PCDHGC4: variants seen among roughly 807,000 people sequenced by gnomAD.
PCDHGC4 encodes protocadherin gamma-C4.
Under a neutral mutation model 59.7 loss-of-function variants are expected in PCDHGC4, and 15 were observed. The observed-to-expected ratio is 0.25, with a 90% CI of 0.17 to 0.39. PCDHGC4 has a LOEUF of 0.39. Among genes scored for constraint, PCDHGC4 ranks in the 10% least tolerant of loss-of-function variants. The probability of loss-of-function intolerance (pLI) is 1.00; values close to 1 mark genes in which losing one functional copy is unlikely to be tolerated. For missense variants in PCDHGC4, 1,016 were observed against 1,189.5 expected (o/e 0.85, Z 2.15); for synonymous variants, 434 against 481.4 (o/e 0.90, Z 1.29).
At position 141,490,440 on chromosome 5, in the gene PCDHGC4, T is replaced by C. The variant is rs560525159; in HGVS notation, c.2442+2825T>C. On this transcript the variant is annotated intron_variant, in intron 1 of 3. Transcript: ENST00000306593. This position sits in a 1 kb window ranked among gnomAD's most constrained non-coding sequence, Gnocchi z 5.4. ...ACCTGCCATTTCAGATTAAGCCTTC[T>C]GAGAACCACTACTCGCTGCTAACCA... 7 of 1,614,206 alleles carry C rather than the reference T, an allele frequency of 4.3e-6. No homozygotes were observed. Among genetic ancestry groups the C allele is most frequent in the Non-Finnish European group, 5.9e-6 (7 of 1,180,040 alleles).
chr5:141,491,507 C>A lies in PCDHGC4; in HGVS notation c.2443-3300C>A, dbSNP rs755899622. 1.9e-6 allele frequency: 3 copies of A among 1,614,038 alleles called. No individual in the cohort carries two copies. The highest frequency in any genetic ancestry group is 1.6e-4 in the Middle Eastern group (1 of 6,062). Reference sequence around the variant, plus strand: ...AACCTGCAGGTGAGCTCGGACGGCACGCTCAAGTACATGGAGGTGACGCTG... The same window carrying A: ...AACCTGCAGGTGAGCTCGGACGGCAAGCTCAAGTACATGGAGGTGACGCTG... On this transcript the variant is annotated intron_variant, in intron 1 of 3. Transcript: ENST00000306593. The surrounding 1 kb of genome is among the most constrained non-coding windows in gnomAD (Gnocchi z 6.9).
Position 141,489,119 on chromosome 5 carries a change from C to T in PCDHGC4, c.2442+1504C>T, listed in dbSNP as rs1236074950. The T allele has an allele frequency of 2.0e-5, 13 of 650,240 alleles. No individual in the cohort carries two copies. Among genetic ancestry groups the T allele is most frequent in the African/African-American group, 9.1e-5 (5 of 55,178 alleles). 40.3% of individuals were successfully genotyped at this position (650,240 alleles called of 1,614,324 possible). ...GAACTGCTGCAAGCAGGCAAACCTC[C>T]GAGCAGTTTTTAAGAGGCTGGAAGG... On this transcript the variant is annotated intron_variant, in intron 1 of 3. Coordinates refer to ENST00000306593, the MANE Select transcript of PCDHGC4 (RefSeq NM_018928.3). This position sits in a 1 kb window ranked among gnomAD's most constrained non-coding sequence, Gnocchi z 4.5.
chr5:141,503,077 TCTC>T (rs1212079220), intron 2 of PCDHGC4, among the ~76,000 whole-genome samples: 1 of 151,810 alleles, frequency 6.6e-6, no homozygotes, highest in African/African-American at 2.4e-5. Flanking sequence ...ATGGTCTCGA[TCTC>T]CTGACCTCGT....
At position 141,491,070 on chromosome 5, in the gene PCDHGC4, G is replaced by T. The variant is rs1405880268; in HGVS notation, c.2442+3455G>T. On this transcript the variant is annotated intron_variant, in intron 1 of 3. Transcript: ENST00000306593. The surrounding 1 kb of genome is among the most constrained non-coding windows in gnomAD (Gnocchi z 6.9). ...ATGCGTGGCTCTCCTACTCACTGTTGCCACAGTCCACAGCCCCAGGACTGT... is the reference window on the plus strand; with the variant it reads ...ATGCGTGGCTCTCCTACTCACTGTTTCCACAGTCCACAGCCCCAGGACTGT... 6.2e-7 allele frequency: 1 copy of T among 1,614,162 alleles called. No homozygotes were observed. Among genetic ancestry groups the T allele is most frequent in the Non-Finnish European group, 8.5e-7 (1 of 1,180,038 alleles).
intron 1 of PCDHGC4, 41 bp from the exon 2 acceptor site, chr5:141,494,766 C>T (rs1017994327): frequency 6.2e-7 from 1 of 1,614,038 alleles, no homozygotes; most frequent in Non-Finnish European, 8.5e-7. Flanking sequence ...ATTCTAACTT[C>T]TCACGGGTAC....
Position 141,485,267 on chromosome 5 carries a change from C to T in PCDHGC4, c.94C>T (p.Arg32Cys), listed in dbSNP as rs767229426. Residue 32 changes from arginine (R) to cysteine (C), a missense_variant, in exon 1 of 4, where the codon CGC (arginine) becomes TGC (cysteine). By Grantham distance (180) the Arg-to-Cys change is radical. Transcript: ENST00000306593. This position sits in a 1 kb window ranked among gnomAD's most constrained non-coding sequence, Gnocchi z 5.7. Reference protein sequence around the residue: ...YHLGYVCGQIRYPVPEESQEG... With the variant: ...YHLGYVCGQICYPVPEESQEG... ...CCTGGGTTACGTTTGTGGGCAGATC[C>T]GCTACCCGGTCCCAGAGGAGTCACA... is the stretch of plus-strand genomic sequence containing the variant. 6.2e-7 allele frequency: 1 copy of T among 1,614,088 alleles called. No homozygotes were observed. Among genetic ancestry groups the T allele is most frequent in the South Asian group, 1.1e-5 (1 of 91,082 alleles).
Position 141,491,324 on chromosome 5 carries a change from T to C in PCDHGC4, c.2443-3483T>C, listed in dbSNP as rs762200164. 16 of 1,614,060 alleles carry C rather than the reference T, an allele frequency of 9.9e-6. No homozygotes were observed. The highest frequency in any genetic ancestry group is 8.3e-5 in the Admixed American group (5 of 60,010). On this transcript the variant is annotated intron_variant, in intron 1 of 3. Transcript: ENST00000306593. This position sits in a 1 kb window ranked among gnomAD's most constrained non-coding sequence, Gnocchi z 6.9. ...CGTTCAGACCTTACCCTTTACCTCA[T>C]TGTGGCTCTAGCGACCGTCAGTCTC...
intron 2 of PCDHGC4, among the ~76,000 whole-genome samples, chr5:141,500,324 T>G (rs1165047676): frequency 6.6e-6 from 1 of 151,994 alleles, no homozygotes; most frequent in African/African-American, 2.4e-5. Flanking sequence ...TGCTCCTGCC[T>G]CAGCCTCCAG....
At position 141,489,099 on chromosome 5, in the gene PCDHGC4, G is replaced by C; in HGVS notation, c.2442+1484G>C. 5.5e-6 allele frequency: 2 copies of C among 361,982 alleles called. No homozygotes were observed. The highest frequency in any genetic ancestry group is 5.0e-5 in the South Asian group (1 of 19,862). 22.4% of individuals were successfully genotyped at this position (361,982 alleles called of 1,614,324 possible). On this transcript the variant is annotated intron_variant, in intron 1 of 3. Coordinates refer to ENST00000306593, the MANE Select transcript of PCDHGC4 (RefSeq NM_018928.3). The surrounding 1 kb of genome is among the most constrained non-coding windows in gnomAD (Gnocchi z 4.5). Reference sequence around the variant, plus strand: ...CCCCGCCACTCGGTGACTAAGAACTGCTGCAAGCAGGCAAACCTCCGAGCA... The same window carrying C: ...CCCCGCCACTCGGTGACTAAGAACTCCTGCAAGCAGGCAAACCTCCGAGCA...
In PCDHGC4 at chr5:141,512,249, T is replaced by A. The variant is rs1159090773; in HGVS notation, c.*1076T>A. 6.6e-6 allele frequency: 1 copy of A among 152,598 alleles called. No individual in the cohort carries two copies. The allele number at this position is 152,598 out of a possible 1,614,324, so 9.5% of individuals were successfully genotyped here. On this transcript the variant is annotated 3_prime_UTR_variant, in exon 4 of 4. Coordinates refer to ENST00000306593, the MANE Select transcript of PCDHGC4 (RefSeq NM_018928.3). Reference sequence around the variant, plus strand: ...CCTTGAGAGGTCAGAGGGGCCTCTGTGGGTGCTGGGTACTCCAGAGGTGCC... The same window carrying A: ...CCTTGAGAGGTCAGAGGGGCCTCTGAGGGTGCTGGGTACTCCAGAGGTGCC...
At position 141,490,054 on chromosome 5, in the gene PCDHGC4, G is replaced by A. The variant is rs2099695440; in HGVS notation, c.2442+2439G>A. The A allele has an allele frequency of 6.2e-7, 1 of 1,614,104 alleles. No individual in the cohort carries two copies. The highest frequency in any genetic ancestry group is 1.3e-5 in the African/African-American group (1 of 74,944). ...CCTCAATGCCACTGATCCAGACGAG[G>A]GCACCAACGGCCAACTAGACTATTC... On this transcript the variant is annotated intron_variant, in intron 1 of 3. Transcript: ENST00000306593. This position sits in a 1 kb window ranked among gnomAD's most constrained non-coding sequence, Gnocchi z 5.4.
chr5:141,487,656 C>G lies in PCDHGC4; in HGVS notation c.2442+41C>G. ...GCTCAACAAATGCTTGAGGGTTATT[C>G]TGATCCAGGCATATGGCTAGGCCAT... On this transcript the variant is annotated intron_variant, in intron 1 of 3. Coordinates refer to ENST00000306593, the MANE Select transcript of PCDHGC4 (RefSeq NM_018928.3). The surrounding 1 kb of genome is among the most constrained non-coding windows in gnomAD (Gnocchi z 5.0). 6.2e-7 allele frequency: 1 copy of G among 1,613,658 alleles called. No individual in the cohort carries two copies. Among genetic ancestry groups the G allele is most frequent in the Non-Finnish European group, 8.5e-7 (1 of 1,179,794 alleles).
In PCDHGC4 at chr5:141,485,076, G is replaced by A; in HGVS notation, c.-98G>A. 2.1e-6 allele frequency: 2 copies of A among 944,586 alleles called. No homozygotes were observed. Among genetic ancestry groups the A allele is most frequent in the East Asian group, 2.4e-5 (1 of 41,508 alleles). The allele number at this position is 944,586 out of a possible 1,614,324, so 58.5% of individuals were successfully genotyped here. ...CCGAACCGCGCCAGAGCTGGCGCGG[G>A]GAAAGGGAGATAGGTGTCTCCAGCT... On this transcript the variant is annotated 5_prime_UTR_variant, in exon 1 of 4. Coordinates refer to ENST00000306593, the MANE Select transcript of PCDHGC4 (RefSeq NM_018928.3). This position sits in a 1 kb window ranked among gnomAD's most constrained non-coding sequence, Gnocchi z 5.7.
chr5:141,491,567 C>T lies in PCDHGC4; in HGVS notation c.2443-3240C>T, dbSNP rs2099721325. On this transcript the variant is annotated intron_variant, in intron 1 of 3. Transcript: ENST00000306593. The surrounding 1 kb of genome is among the most constrained non-coding windows in gnomAD (Gnocchi z 6.9). ...GACTCGCAGAGCCACTGCTACAGGACGTGCTTTTCACCGGCCTCGGACGGC... is the reference window on the plus strand; with the variant it reads ...GACTCGCAGAGCCACTGCTACAGGATGTGCTTTTCACCGGCCTCGGACGGC... 1.9e-6 allele frequency: 3 copies of T among 1,614,004 alleles called. No individual in the cohort carries two copies. The highest frequency in any genetic ancestry group is 2.5e-6 in the Non-Finnish European group (3 of 1,180,034).
In PCDHGC4 at chr5:141,486,752, C is replaced by G. The variant is rs776406247; in HGVS notation, c.1579C>G (p.Gln527Glu). The change falls in exon 1 of 4, where the codon CAA (glutamine) becomes GAA (glutamate). Residue 527 changes from glutamine (Q) to glutamate (E), a missense_variant. Transcript: ENST00000306593. The surrounding 1 kb of genome is among the most constrained non-coding windows in gnomAD (Gnocchi z 5.0). ...TGCTACTCGATCCTTTGACTATGAG[C>G]AAACCCAGACACTGCAGTTTGAGGT... ...VHATRSFDYEQTQTLQFEVQA... is the reference protein window; with the variant it reads ...VHATRSFDYEETQTLQFEVQA... 6.2e-7 allele frequency: 1 copy of G among 1,614,244 alleles called. No individual in the cohort carries two copies. The highest frequency in any genetic ancestry group is 1.3e-5 in the African/African-American group (1 of 75,080).
rs777668071 is a variant in PCDHGC4 at position 141,491,848 on chromosome 5, C to G, written c.2443-2959C>G. The G allele has an allele frequency of 3.4e-6, 5 of 1,461,482 alleles. No homozygotes were observed. The highest frequency in any genetic ancestry group is 4.5e-6 in the Non-Finnish European group (5 of 1,104,578). 90.5% of individuals were successfully genotyped at this position (1,461,482 alleles called of 1,614,324 possible). A position where few individuals can be genotyped will look rare whatever the true frequency, so the allele number is the denominator to read the frequency against. ...CACCCGATTCTCGGGATCATTGGAC[C>G]GTTTGCGCGAAACCAGAGTGGCCGA... On this transcript the variant is annotated intron_variant, in intron 1 of 3. Transcript: ENST00000306593. The surrounding 1 kb of genome is among the most constrained non-coding windows in gnomAD (Gnocchi z 6.9).
At chr5:141,501,308 C>T (rs1220463692) in intron 2 of PCDHGC4, among the ~76,000 whole-genome samples, 2 of 151,492 alleles carry the variant, frequency 1.3e-5, no homozygotes, top group African/African-American at 2.4e-5. Context: ...CACACACACA[C>T]ACACACACAC....
At position 141,485,386 on chromosome 5, in the gene PCDHGC4, C is replaced by A. The variant is rs1044608807; in HGVS notation, c.213C>A (p.Asn71Lys). ...ARRLQVAGEV[N>K]QRHFRVDLDS... The stretch of plus-strand genomic sequence containing the variant: ...GGCTGCAGGTCGCTGGAGAGGTGAA[C>A]CAAAGACACTTCCGTGTGGATTTGG... Residue 71 changes from asparagine (N) to lysine (K), a missense_variant, in exon 1 of 4, where the codon AAC becomes AAA. Coordinates refer to ENST00000306593, the MANE Select transcript of PCDHGC4 (RefSeq NM_018928.3). This position sits in a 1 kb window ranked among gnomAD's most constrained non-coding sequence, Gnocchi z 5.7. 1.2e-6 allele frequency: 2 copies of A among 1,614,104 alleles called. No homozygotes were observed. The highest frequency in any genetic ancestry group is 8.5e-7 in the Non-Finnish European group (1 of 1,180,002).
At chr5:141,492,189 G>C (rs2099737936) in intron 1 of PCDHGC4, among the ~76,000 whole-genome samples, 1 of 152,204 alleles carries the variant, frequency 6.6e-6, no homozygotes, top group Non-Finnish European at 1.5e-5. Context: ...GCACCTGTCT[G>C]CGGGACTTAG....
Sources: gnomAD v4.1 joint callset for allele counts (sites outside exome capture counted in the v4.1 genomes callset) on GRCh38, gnomAD v4.1.1 for gene constraint, Gnocchi (gnomAD v3.1) non-coding constraint, MANE v1.5 for transcripts, NCBI Gene and HGNC (gene_info 2026-07-23, HGNC 2026-07-21) for gene names.